Variants in PIK3C2G observed in about 807,000 individuals in gnomAD.
The protein encoded by PIK3C2G is phosphatidylinositol-4-phosphate 3-kinase catalytic subunit type 2 gamma, also known as phosphatidylinositol 3-kinase C2 domain-containing subunit gamma.
Under a neutral mutation model 181.1 loss-of-function variants are expected in PIK3C2G, and 168 were observed. The ratio of observed to expected loss-of-function variants is 0.93; its 90% confidence interval spans 0.82 to 1.05. PIK3C2G has a LOEUF of 1.05. PIK3C2G is among the 50% of genes least tolerant of loss of function. PIK3C2G has a pLI of 0.00. For synonymous variants in PIK3C2G, 573 were observed against 592.2 expected (o/e 0.97, Z 0.47); for missense variants, 1,869 against 1,732.8 (o/e 1.08, Z -1.40).
rs1194376519 is a variant in PIK3C2G at position 18,381,852 on chromosome 12, T to C, written c.1967T>C (p.Val656Ala). ...ATGATAACTCCAGGAGTGTGGGATGTAAGTCAGCCATCCCCGGTGACCCTG... is the reference window on the plus strand; with the variant it reads ...ATGATAACTCCAGGAGTGTGGGATGCAAGTCAGCCATCCCCGGTGACCCTG... ...VEMITPGVWD[V>A]SQPSPVTLQI... Residue 656 changes from valine to alanine, a missense_variant, in exon 14 of 33, where the codon GTA (valine) becomes GCA (alanine). Val to Ala is a moderately conservative substitution (Grantham distance 64, BLOSUM62 0). Coordinates refer to ENST00000538779, the MANE Select transcript of PIK3C2G (RefSeq NM_001288772.2). 2.5e-6 allele frequency: 4 copies of C among 1,612,424 alleles called. No homozygotes were observed. Among genetic ancestry groups the C allele is most frequent in the Middle Eastern group, 1.7e-4 (1 of 6,060 alleles).
chr12:18,578,678 T>A (rs1000025537), intron 29 of PIK3C2G, among the ~76,000 whole-genome samples: 1 of 152,190 alleles, frequency 6.6e-6, no homozygotes, highest in Non-Finnish European at 1.5e-5. Flanking sequence ...AATCTTGTAT[T>A]ACCGATACAG....
At chr12:18,695,231 T>A in the PIK3C2G span, 1 of 812,828 alleles carries the variant, frequency 1.2e-6, no homozygotes, top group Non-Finnish European at 1.9e-6. Flanking sequence ...TTTTTAAAAC[T>A]CTTTCTCCTG....
chr12:18,597,724 G>C (rs1013960850), intron 30 of PIK3C2G, among the ~76,000 whole-genome samples: 1 of 151,862 alleles, frequency 6.6e-6, no homozygotes, highest in African/African-American at 2.4e-5. Context: ...GTTTGCAGAC[G>C]ACATGATTGT....
chr12:18,318,986 G>A (rs1256792885), intron 6 of PIK3C2G, among the ~76,000 whole-genome samples: 4 of 151,966 alleles, frequency 2.6e-5, no homozygotes, highest in African/African-American at 9.7e-5. Context: ...TCAGGATGCT[G>A]AGGCACAAGA....
chr12:18,409,951 A>C (rs572635320), intron 16 of PIK3C2G, among the ~76,000 whole-genome samples: 84 of 152,176 alleles, frequency 5.5e-4, no homozygotes, highest in African/African-American at 2.0e-3. Context: ...ACACACTTTA[A>C]ACAACCGGAT....
At chr12:18,363,117 A>G (rs1941384672) in intron 12 of PIK3C2G, 1 of 335,174 alleles carries the variant, frequency 3.0e-6, no homozygotes, top group Admixed American at 4.8e-5. Context: ...TGAACTGAGA[A>G]AAAGGGAAAT....
intron 29 of PIK3C2G, among the ~76,000 whole-genome samples, chr12:18,584,280 C>A (rs1349022369): frequency 2.0e-5 from 3 of 151,944 alleles, no homozygotes; most frequent in Admixed American, 6.6e-5. Flanking sequence ...CTTGGCCTTC[C>A]AAAGTGCTGG....
intron 30 of PIK3C2G, among the ~76,000 whole-genome samples, chr12:18,608,429 C>T: frequency 6.6e-6 from 1 of 151,800 alleles, no homozygotes; most frequent in Non-Finnish European, 1.5e-5. Flanking sequence ...AAGCTGGAAA[C>T]CATCATTCTC....
At chr12:18,625,485 C>T (rs966199964) in intron 31 of PIK3C2G, among the ~76,000 whole-genome samples, 3 of 151,822 alleles carry the variant, frequency 2.0e-5, no homozygotes, top group Admixed American at 1.3e-4. Context: ...TAAGAGAAAA[C>T]TTTATTATGT....
At chr12:18,304,870 T>C (rs1407834945) in intron 5 of PIK3C2G, among the ~76,000 whole-genome samples, 1 of 152,202 alleles carries the variant, frequency 6.6e-6, no homozygotes, top group Non-Finnish European at 1.5e-5. Flanking sequence ...AGACTTACTT[T>C]GAGCAAAGAA....
At chr12:18,248,332 G>T (rs1165506782) in intron 1 of PIK3C2G, among the ~76,000 whole-genome samples, 1 of 152,134 alleles carries the variant, frequency 6.6e-6, no homozygotes. Context: ...CAGCACTTTG[G>T]GAGGCCGAGG....
At chr12:18,401,878 G>C (rs180682796) in intron 16 of PIK3C2G, among the ~76,000 whole-genome samples, 2 of 152,090 alleles carry the variant, frequency 1.3e-5, no homozygotes, top group Non-Finnish European at 2.9e-5. Flanking sequence ...AAAATAAAAA[G>C]TGTTGATGAG....
chr12:18,520,167 A>G (rs556445164), intron 24 of PIK3C2G, among the ~76,000 whole-genome samples: 1 of 151,976 alleles, frequency 6.6e-6, no homozygotes, highest in East Asian at 1.9e-4. Context: ...CTTCATTTCA[A>G]CCGTGGAGAA....
At chr12:18,640,398 C>A in intron 31 of PIK3C2G, 31 bp from the exon 32 acceptor site, 1 of 1,588,570 alleles carries the variant, frequency 6.3e-7, no homozygotes, top group South Asian at 1.1e-5. Context: ...TAGCAACATG[C>A]ATTAATATTT....
chr12:18,274,342 A>G (rs952712572), intron 1 of PIK3C2G, among the ~76,000 whole-genome samples: 1 of 152,216 alleles, frequency 6.6e-6, no homozygotes, highest in Non-Finnish European at 1.5e-5. Flanking sequence ...TGCTATAAAG[A>G]CACATGCACA....
chr12:18,320,222 A>G (rs1034504907), intron 6 of PIK3C2G: 1 of 152,190 alleles, frequency 6.6e-6, no homozygotes, highest in African/African-American at 2.4e-5. Flanking sequence ...CGTGTGGTGA[A>G]ATAGTGCAAT....
chr12:18,514,121 T>A (rs1335316594), intron 24 of PIK3C2G, among the ~76,000 whole-genome samples: 1 of 151,896 alleles, frequency 6.6e-6, no homozygotes, highest in African/African-American at 2.4e-5. Context: ...GTTGTTTAAT[T>A]TCCACATAGT....
intron 30 of PIK3C2G, among the ~76,000 whole-genome samples, chr12:18,600,983 T>C (rs745448842): frequency 6.6e-6 from 1 of 151,954 alleles, no homozygotes; most frequent in Non-Finnish European, 1.5e-5. Flanking sequence ...TTTACACCAA[T>C]AGTTTCAAGG....
chr12:18,342,187 C>A (rs1483459020), intron 9 of PIK3C2G, among the ~76,000 whole-genome samples: 1 of 152,002 alleles, frequency 6.6e-6, no homozygotes, highest in Non-Finnish European at 1.5e-5. Context: ...TTTTAATAGT[C>A]TCACCCACAT....
Sources: allele counts gnomAD v4.1 joint callset (sites outside exome capture counted in the v4.1 genomes callset), GRCh38; gene constraint gnomAD v4.1.1; transcripts MANE v1.5; gene names NCBI Gene and HGNC (gene_info 2026-07-23, HGNC 2026-07-21).